The following FGD4 variants were observed in gnomAD, a reference collection of about 807,000 sequenced individuals.
FGD4 encodes FYVE, RhoGEF and PH domain containing 4.
FGD4 carries 42 observed loss-of-function variants against 102.0 expected under a neutral mutation model. The ratio of observed to expected loss-of-function variants is 0.41; its 90% CI spans 0.32 to 0.53. The LOEUF (loss-of-function observed/expected upper bound fraction) is 0.53, where lower values mean the gene tolerates loss of function less well. Ranked by LOEUF, FGD4 falls within the 20% of genes least tolerant of loss-of-function variation. The pLI is 0.21. For synonymous variants in FGD4, 380 were observed against 375.7 expected (o/e 1.01, Z -0.13); for missense variants, 902 against 1,078.2 (o/e 0.84, Z 2.29).
intron 1 of FGD4, among the ~76,000 whole-genome samples, chr12:32,487,945 A>T (rs1943962395): frequency 6.6e-6 from 1 of 152,230 alleles, no homozygotes; most frequent in Non-Finnish European, 1.5e-5. Context: ...TTATTCAGAT[A>T]GCTGGACCAT....
chr12:32,618,545 A>T (rs1181371838), intron 10 of FGD4, among the ~76,000 whole-genome samples: 1 of 152,172 alleles, frequency 6.6e-6, no homozygotes, highest in Non-Finnish European at 1.5e-5. Flanking sequence ...TAAAAAAAAA[A>T]TTGCTGACCA....
Position 32,640,514 on chromosome 12 carries a change from A to C in FGD4, c.2693A>C (p.Lys898Thr). Residue 898 changes from lysine to threonine, a missense_variant, in exon 17 of 17, where the codon AAG becomes ACG. By Grantham distance (78) the Lys-to-Thr change is moderately conservative (BLOSUM62 -1). Coordinates refer to ENST00000534526, the MANE Select transcript of FGD4 (RefSeq NM_001370298.3). ...PATLDDHPEP[K>T]KKSEC ...ACCTTGGATGATCATCCTGAACCTA[A>C]GAAAAAATCAGAATGCTGAACTCCT... 1 of 1,614,014 alleles carries C rather than the reference A, an allele frequency of 6.2e-7. No homozygotes were observed. The highest frequency in any genetic ancestry group is 8.5e-7 in the Non-Finnish European group (1 of 1,180,022).
At chr12:32,475,212 G>A (rs376551745) in intron 1 of FGD4, among the ~76,000 whole-genome samples, 14 of 151,974 alleles carry the variant, frequency 9.2e-5, no homozygotes, top group African/African-American at 2.4e-4. Context: ...GTTTTTTGGC[G>A]TCTTCCTGTC....
intron 1 of FGD4, chr12:32,485,795 A>G: frequency 1.1e-6 from 1 of 952,256 alleles, no homozygotes; most frequent in Non-Finnish European, 1.3e-6. Flanking sequence ...CCATAAATGT[A>G]ATAAAGTTAC....
chr12:32,519,452 C>T (rs995790980), intron 1 of FGD4, among the ~76,000 whole-genome samples: 3 of 152,060 alleles, frequency 2.0e-5, no homozygotes, highest in Non-Finnish European at 4.4e-5. Flanking sequence ...AAACTTATTT[C>T]TGCAAGTACA....
chr12:32,626,951 G>A (rs931385744), intron 14 of FGD4, among the ~76,000 whole-genome samples: 9 of 151,998 alleles, frequency 5.9e-5, no homozygotes, highest in African/African-American at 2.2e-4. Context: ...GGGTTCAAGC[G>A]ATTCTCCTGC....
chr12:32,401,705 C>T (rs1264115343), intron 1 of FGD4, among the ~76,000 whole-genome samples: 4 of 148,992 alleles, frequency 2.7e-5, no homozygotes, highest in African/African-American at 5.0e-5. Flanking sequence ...TAAGGTAGCT[C>T]TGCTTTTTCT....
At chr12:32,462,137 T>C (rs1487362091) in intron 1 of FGD4, among the ~76,000 whole-genome samples, 2 of 152,226 alleles carry the variant, frequency 1.3e-5, no homozygotes, top group Non-Finnish European at 2.9e-5. Context: ...GGAAAGTTGG[T>C]GGGAAGATTA....
chr12:32,573,610 C>T (rs1325726271), intron 2 of FGD4, among the ~76,000 whole-genome samples: 2 of 152,188 alleles, frequency 1.3e-5, no homozygotes, highest in African/African-American at 4.8e-5. Context: ...GACAGTGTGT[C>T]TAACTTTAGT....
intron 1 of FGD4, among the ~76,000 whole-genome samples, chr12:32,518,710 T>G (rs1940164122): frequency 6.6e-6 from 1 of 152,116 alleles, no homozygotes; most frequent in Non-Finnish European, 1.5e-5. Context: ...ATAGTGGAAT[T>G]CTGGCAATAC....
intron 1 of FGD4, among the ~76,000 whole-genome samples, chr12:32,457,723 A>G (rs1565751571): frequency 6.6e-6 from 1 of 152,190 alleles, no homozygotes; most frequent in Non-Finnish European, 1.5e-5. Context: ...TCAGTTTATC[A>G]GGTACTATTA....
chr12:32,576,385 T>G lies in FGD4; in HGVS notation c.439T>G (p.Ser147Ala). 2 of 1,614,150 alleles carry G rather than the reference T, an allele frequency of 1.2e-6. No individual in the cohort carries two copies. Among genetic ancestry groups the G allele is most frequent in the Non-Finnish European group, 1.7e-6 (2 of 1,180,018 alleles). ...GGAGGAAATTAAACCTGCCTCTGCT[T>G]CTTGTGTCTCAAAAGAAAAACCCAG... ...RMEEIKPASA[S>A]CVSKEKPSKV... The change falls in exon 3 of 17, where the codon TCT (serine) becomes GCT (alanine). Residue 147 changes from serine to alanine, a missense_variant. Physicochemically the swap from Ser to Ala is moderately conservative, Grantham distance 99. Transcript: ENST00000534526.
chr12:32,613,601 T>C (rs1356281290), intron 10 of FGD4, among the ~76,000 whole-genome samples: 2 of 151,802 alleles, frequency 1.3e-5, no homozygotes, highest in Non-Finnish European at 2.9e-5. Context: ...ACAAAAAATT[T>C]AAAAATTAGC....
chr12:32,584,947 G>A (rs1448397893), intron 4 of FGD4, among the ~76,000 whole-genome samples: 2 of 151,964 alleles, frequency 1.3e-5, no homozygotes, highest in Admixed American at 6.6e-5. Flanking sequence ...AGCCGGGTGC[G>A]GTGGCTCACA....
intron 1 of FGD4, chr12:32,485,733 T>C: frequency 1.7e-6 from 1 of 577,088 alleles, no homozygotes; most frequent in Non-Finnish European, 2.2e-6. Context: ...TGTGAGCCAC[T>C]GCGCCTGACC....
chr12:32,554,808 G>A (rs1943961472), intron 1 of FGD4, among the ~76,000 whole-genome samples: 1 of 152,256 alleles, frequency 6.6e-6, no homozygotes. Context: ...CAAGTAGTTT[G>A]CTCGGCCTGT....
At chr12:32,469,527 C>A (rs566121130) in intron 1 of FGD4, among the ~76,000 whole-genome samples, 1 of 152,064 alleles carries the variant, frequency 6.6e-6, no homozygotes, top group South Asian at 2.1e-4. Flanking sequence ...GCAGTCTACC[C>A]GCCTCAGCCT....
chr12:32,453,202 A>ATATAT lies in FGD4; in HGVS notation c.166+53244_166+53248dup, dbSNP rs1565748882. 8.3e-4 allele frequency among the ~76,000 whole-genome samples: 97 copies of ATATAT among 117,564 alleles called. 1 individual carries two copies. Among genetic ancestry groups the ATATAT allele is most frequent in the Non-Finnish European group, 1.2e-3 (69 of 59,818 alleles). The allele number at this position is 117,564 out of a possible 152,430, so 77.1% of individuals were successfully genotyped here. On this transcript the variant is annotated intron_variant, in intron 1 of 16. Coordinates refer to ENST00000534526, the MANE Select transcript of FGD4 (RefSeq NM_001370298.3). ...TATATATATATTTTATATATATATT[A>ATATAT]TATATATATATATATATAATATAGA...
intron 1 of FGD4, among the ~76,000 whole-genome samples, chr12:32,491,132 T>TA (rs72008264): frequency 0.064 from 6,834 of 106,370 alleles, 345 homozygotes; most frequent in African/African-American, 0.12. Context: ...TTCTGCCAGT[T>TA]AAAAAAAAAA....
Sources: allele counts gnomAD v4.1 joint callset (sites outside exome capture counted in the v4.1 genomes callset), GRCh38; gene constraint gnomAD v4.1.1; transcripts MANE v1.5; gene names NCBI Gene and HGNC (gene_info 2026-07-23, HGNC 2026-07-21).